CDH2: variants seen among roughly 807,000 people sequenced by gnomAD.
CDH2 encodes the protein cadherin 2, also known as cadherin-2.
Under a neutral mutation model 92.0 loss-of-function variants are expected in CDH2, and 17 were observed. That is an observed-to-expected ratio of 0.18 (90% CI 0.13 to 0.28). The LOEUF is 0.28. Ranked by LOEUF, CDH2 falls within the 10% of genes least tolerant of loss-of-function variation. The pLI is 1.00. For missense variants in CDH2, 862 were observed against 1,133.1 expected (o/e 0.76, Z 3.44); for synonymous variants, 419 against 415.9 (o/e 1.01, Z -0.09).
rs200636040 is a variant in CDH2, at chr18:27,992,642, G to A, written c.1344+13C>T. ...CAGCTGTTGGAGAGATCAGTGGCCCGAGGAACACTTACTTTGACCACGGTG... is the reference window on the plus strand; with the variant it reads ...CAGCTGTTGGAGAGATCAGTGGCCCAAGGAACACTTACTTTGACCACGGTG... On this transcript the variant is annotated intron_variant, in intron 9 of 15. Coordinates refer to ENST00000269141, the MANE Select transcript of CDH2 (RefSeq NM_001792.5). The A allele has an allele frequency of 1.1e-4, 176 of 1,603,874 alleles. No individual in the cohort carries two copies. The highest frequency in any genetic ancestry group is 1.4e-4 in the Non-Finnish European group (168 of 1,174,086).
At chr18:28,152,741 T>A (rs553395681) in intron 1 of CDH2, among the ~76,000 whole-genome samples, 1 of 152,090 alleles carries the variant, frequency 6.6e-6, no homozygotes, top group African/African-American at 2.4e-5. Flanking sequence ...ACCGAATGCA[T>A]CTGACAGAGA....
At chr18:28,036,468 A>G (rs1327670164) in intron 2 of CDH2, 4 of 1,481,638 alleles carry the variant, frequency 2.7e-6, no homozygotes, top group Non-Finnish European at 3.8e-6. Context: ...AATTTTTGTT[A>G]CCTGAAAGGA....
chr18:28,118,286 G>C (rs1329937111), intron 2 of CDH2, among the ~76,000 whole-genome samples: 1 of 151,948 alleles, frequency 6.6e-6, no homozygotes, highest in East Asian at 1.9e-4. Context: ...AAGGAATTAG[G>C]AACAAATGCT....
Position 28,014,179 on chromosome 18 carries a change from C to T in CDH2, c.173-270G>A, listed in dbSNP as rs1599034175. ...CCTGGACACTGGGTCCTCAGGTGCACCTGCTTTTCACCCTGACACCTTTCA... is the reference window on the plus strand; with the variant it reads ...CCTGGACACTGGGTCCTCAGGTGCATCTGCTTTTCACCCTGACACCTTTCA... On this transcript the variant is annotated intron_variant, in intron 2 of 15. Transcript: ENST00000269141. Among the ~76,000 whole-genome samples the T allele has an allele frequency of 2.0e-5, 3 of 152,244 alleles. No homozygotes were observed. The South Asian group carries it at 6.2e-4, about 32-fold the overall frequency.
At chr18:27,947,296 G>A (rs574170478), downstream of CDH2, among the ~76,000 whole-genome samples, 15 of 151,838 alleles carry the variant, frequency 9.9e-5, no homozygotes, top group South Asian at 2.3e-3. Context: ...ACTCATAATA[G>A]CAATGAAAAT....
chr18:27,967,693 T>C (rs572556661), intron 14 of CDH2, among the ~76,000 whole-genome samples: 1 of 152,210 alleles, frequency 6.6e-6, no homozygotes, highest in East Asian at 1.9e-4. Context: ...TCATTAAAAG[T>C]AGGCATGGAA....
chr18:28,049,241 G>C (rs1330168551), intron 2 of CDH2, among the ~76,000 whole-genome samples: 7 of 152,172 alleles, frequency 4.6e-5, no homozygotes, highest in Non-Finnish European at 1.0e-4. Context: ...AACCAGCAAA[G>C]GTGAGTGCAT....
At chr18:27,992,124 C>T (rs2143974014) in intron 9 of CDH2, among the ~76,000 whole-genome samples, 1 of 152,256 alleles carries the variant, frequency 6.6e-6, no homozygotes, top group East Asian at 1.9e-4. Flanking sequence ...TTTCTTCTTG[C>T]CTACTCATTA....
chr18:28,088,776 C>G (rs2014984078), intron 2 of CDH2, among the ~76,000 whole-genome samples: 1 of 152,098 alleles, frequency 6.6e-6, no homozygotes, highest in Non-Finnish European at 1.5e-5. Context: ...AACTGGGGGC[C>G]TTCTATGCAT....
At chr18:28,110,766 C>G (rs1454042093) in intron 2 of CDH2, among the ~76,000 whole-genome samples, 1 of 152,028 alleles carries the variant, frequency 6.6e-6, no homozygotes, top group East Asian at 1.9e-4. Context: ...AAAAAGACAC[C>G]TATATCTATA....
chr18:28,045,992 A>C (rs1047097154), intron 2 of CDH2, among the ~76,000 whole-genome samples: 2 of 152,196 alleles, frequency 1.3e-5, no homozygotes, highest in Non-Finnish European at 2.9e-5. Flanking sequence ...CATCTTTATG[A>C]TTTCTGCTCA....
chr18:28,169,768 C>G (rs2016437329), intron 1 of CDH2, among the ~76,000 whole-genome samples: 1 of 152,162 alleles, frequency 6.6e-6, no homozygotes, highest in South Asian at 2.1e-4. Flanking sequence ...AATAGCAACT[C>G]TTTTTAAATA....
In CDH2 at chr18:27,983,100, T is replaced by TA; in HGVS notation, c.2210-18dup. 6.3e-7 allele frequency: 1 copy of TA among 1,590,886 alleles called. No individual in the cohort carries two copies. The highest frequency in any genetic ancestry group is 8.6e-7 in the Non-Finnish European group (1 of 1,165,428). On this transcript the variant is annotated splice_polypyrimidine_tract_variant and intron_variant, in intron 13 of 15. Coordinates refer to ENST00000269141, the MANE Select transcript of CDH2 (RefSeq NM_001792.5). The stretch of plus-strand genomic sequence containing the variant: ...GCACAAGGACTAGGTAGAAAAATAG[T>TA]AAAAATACATAATATTGTCATTTTT...
intron 1 of CDH2, among the ~76,000 whole-genome samples, chr18:28,166,172 A>ATATATATATATATATG (rs1568024455): frequency 7.3e-6 from 1 of 136,968 alleles, no homozygotes; most frequent in Admixed American, 7.3e-5. Flanking sequence ...ATATATATAT[A>ATATATATATATATATG]TGTCTGTATT....
intron 5 of CDH2, among the ~76,000 whole-genome samples, chr18:28,008,481 G>A (rs913034284): frequency 6.6e-6 from 1 of 152,102 alleles, no homozygotes; most frequent in Admixed American, 6.5e-5. Context: ...GTTAGATCTA[G>A]GTGAATCTAT....
At position 27,992,644 on chromosome 18, in the gene CDH2, G is replaced by A; in HGVS notation, c.1344+11C>T. On this transcript the variant is annotated intron_variant, in intron 9 of 15. Transcript: ENST00000269141. ...GCTGTTGGAGAGATCAGTGGCCCGA[G>A]GAACACTTACTTTGACCACGGTGAC... The A allele has an allele frequency of 1.2e-6, 2 of 1,605,438 alleles. No individual in the cohort carries two copies. The highest frequency in any genetic ancestry group is 2.2e-5 in the South Asian group (2 of 89,708).
At chr18:27,984,402 A>C (rs983161915) in intron 13 of CDH2, among the ~76,000 whole-genome samples, 1 of 151,936 alleles carries the variant, frequency 6.6e-6, no homozygotes, top group African/African-American at 2.4e-5. Flanking sequence ...AAGATTGCAA[A>C]GTACCTTAAA....
chr18:28,030,423 A>G (rs1479569952), intron 2 of CDH2, among the ~76,000 whole-genome samples: 1 of 152,124 alleles, frequency 6.6e-6, no homozygotes, highest in Non-Finnish European at 1.5e-5. Flanking sequence ...GCATGGCACA[A>G]TAGGTCCACA....
At chr18:28,160,147 C>T (rs2144351800) in intron 1 of CDH2, among the ~76,000 whole-genome samples, 1 of 148,638 alleles carries the variant, frequency 6.7e-6, no homozygotes, top group Non-Finnish European at 1.5e-5. Flanking sequence ...AGAGGTAGCG[C>T]CTCGAGAAAA....
Sources: gnomAD v4.1 joint callset for allele counts (sites outside exome capture counted in the v4.1 genomes callset) on GRCh38, gnomAD v4.1.1 for gene constraint, MANE v1.5 for transcripts, NCBI Gene and HGNC (gene_info 2026-07-23, HGNC 2026-07-21) for gene names.